ALDH3B2: variants seen among roughly 807,000 people sequenced by gnomAD.
ALDH3B2 encodes the protein aldehyde dehydrogenase family 3 member B2.
ALDH3B2 carries 45 observed loss-of-function variants against 36.7 expected under a neutral mutation model. That is an observed-to-expected ratio of 1.23 (90% CI 0.97 to 1.57). The LOEUF is 1.57. Among genes scored for constraint, ALDH3B2 ranks in the 40% most tolerant of loss-of-function variants. ALDH3B2 has a pLI of 0.00. For missense variants in ALDH3B2, 464 were observed against 513.3 expected (o/e 0.90, Z 0.93); for synonymous variants, 217 against 226.5 (o/e 0.96, Z 0.38).
At chr11:67,674,082 C>A (rs2279124) in intron 1 of ALDH3B2, among the ~76,000 whole-genome samples, 5 of 152,114 alleles carry the variant, frequency 3.3e-5, no homozygotes, top group East Asian at 1.9e-4. Flanking sequence ...GCCCCCGACC[C>A]AATCCTTGTC....
At chr11:67,668,375 C>T (rs1232862625) in intron 1 of ALDH3B2, among the ~76,000 whole-genome samples, 1 of 152,124 alleles carries the variant, frequency 6.6e-6, no homozygotes, top group Non-Finnish European at 1.5e-5. Flanking sequence ...CCCAAGGGAA[C>T]CCCAGTGGGG....
At chr11:67,675,028 C>T (rs976554733), upstream of ALDH3B2, among the ~76,000 whole-genome samples, 2 of 152,180 alleles carry the variant, frequency 1.3e-5, no homozygotes, top group African/African-American at 4.8e-5. Flanking sequence ...CATCTCCCTC[C>T]TCTCCTGTCC....
intron 1 of ALDH3B2, among the ~76,000 whole-genome samples, chr11:67,670,666 C>A (rs76053964): frequency 0.012 from 1,895 of 152,282 alleles, 50 homozygotes; most frequent in Middle Eastern, 0.048. Context: ...AGCCCCTGCC[C>A]GGCTCAGGTC....
At chr11:67,664,482 T>G in exon 8 of ALDH3B2, 1 of 1,614,134 alleles carries the variant, frequency 6.2e-7, no homozygotes, top group Non-Finnish European at 8.5e-7. Flanking sequence ...CTCTGCACGT[T>G]CACGATGGGC....
intron 7 of ALDH3B2, 84 bp downstream of exon 7, chr11:67,665,201 G>A (rs1855862341): frequency 5.3e-6 from 8 of 1,520,326 alleles, no homozygotes; most frequent in Non-Finnish European, 7.0e-6. Context: ...TCAGGTGCGA[G>A]TCCAGACTCG....
At chr11:67,671,082 T>C in intron 1 of ALDH3B2, 1 of 152,644 alleles carries the variant, frequency 6.6e-6, no homozygotes, top group Non-Finnish European at 1.5e-5. Context: ...GGCTCCCTGG[T>C]GCCTTTGGAG....
chr11:67,675,531 T>C (rs1264745316), upstream of ALDH3B2, among the ~76,000 whole-genome samples: 1 of 152,130 alleles, frequency 6.6e-6, no homozygotes, highest in East Asian at 1.9e-4. Flanking sequence ...TGCTGAGGGC[T>C]GTAGAGAGTC....
chr11:67,663,528 T>C, intron 9 of ALDH3B2, 129 bp from the exon 10 acceptor site: 1 of 1,372,410 alleles, frequency 7.3e-7, no homozygotes, highest in Non-Finnish European at 1.0e-6. Flanking sequence ...CACAGAGCCA[T>C]TTTACAGATA....
upstream of ALDH3B2, among the ~76,000 whole-genome samples, chr11:67,679,499 G>A (rs1856330800): frequency 6.6e-6 from 1 of 151,542 alleles, no homozygotes; most frequent in Non-Finnish European, 1.5e-5. Flanking sequence ...AAAAAACAAA[G>A]CCAGGCACAG....
At chr11:67,667,755 A>C in intron 1 of ALDH3B2, 120 bp from the exon 2 acceptor site, 1 of 214,748 alleles carries the variant, frequency 4.7e-6, no homozygotes, top group Non-Finnish European at 9.2e-6. Flanking sequence ...GCTCACAGAC[A>C]CCCCACCTCA....
chr11:67,678,106 G>GA (rs1311519901), upstream of ALDH3B2, among the ~76,000 whole-genome samples: 1 of 152,044 alleles, frequency 6.6e-6, no homozygotes, highest in Non-Finnish European at 1.5e-5. Flanking sequence ...CACAGAGTTA[G>GA]AAAAAACAAT....
chr11:67,666,368 C>A (rs1855911649), exon 5 of ALDH3B2: 1 of 1,605,828 alleles, frequency 6.2e-7, no homozygotes, highest in Non-Finnish European at 8.5e-7. Flanking sequence ...TGTGCCCTGG[C>A]TGATTTCTGA....
intron 7 of ALDH3B2, among the ~76,000 whole-genome samples, 172 bp from the exon 8 acceptor site, chr11:67,664,734 CCCCCAG>C (rs1415505182): frequency 6.6e-6 from 1 of 152,218 alleles, no homozygotes; most frequent in Non-Finnish European, 1.5e-5. Context: ...TCCCCACAGC[CCCCCAG>C]AAGGGACCCT....
exon 10 of ALDH3B2, chr11:67,662,405 A>G (rs926927261): frequency 1.3e-5 from 2 of 152,242 alleles, no homozygotes; most frequent in African/African-American, 2.4e-5. Flanking sequence ...GGAATACTAC[A>G]GTCTTGAGGA....
intron 1 of ALDH3B2, among the ~76,000 whole-genome samples, chr11:67,679,850 T>C (rs1001112444): frequency 2.0e-5 from 3 of 152,244 alleles, no homozygotes; most frequent in Non-Finnish European, 4.4e-5. Flanking sequence ...AAACTTATTT[T>C]GCACATAAAT....
chr11:67,678,645 A>G (rs1591151546), upstream of ALDH3B2, among the ~76,000 whole-genome samples: 1 of 150,764 alleles, frequency 6.6e-6, no homozygotes, highest in East Asian at 1.9e-4. Context: ...ACATATATAT[A>G]TATATACACT....
At chr11:67,665,895 G>A (rs1855894373) in intron 6 of ALDH3B2, among the ~76,000 whole-genome samples, 1 of 152,124 alleles carries the variant, frequency 6.6e-6, no homozygotes, top group Admixed American at 6.5e-5. Context: ...CCTTCTCCTG[G>A]CCGGTCTGGC....
intron 1 of ALDH3B2, among the ~76,000 whole-genome samples, chr11:67,680,989 T>C (rs2251281): frequency 0.045 from 6,909 of 152,274 alleles, 524 homozygotes; most frequent in African/African-American, 0.16. Flanking sequence ...CAAGGATGGG[T>C]ACACAAATGC....
chr11:67,665,487 G>T lies in ALDH3B2; in HGVS notation c.504C>A (p.Tyr168Ter). The change falls in exon 7 of 10, where the codon TAC becomes TAA. Residue 168 changes from tyrosine to a stop codon, truncating the protein, a stop_gained. Coordinates refer to ENST00000349015, the Ensembl canonical transcript of ALDH3B2. LOFTEE classifies it high-confidence loss of function. The stretch of plus-strand genomic sequence containing the variant: ...CCTGCATCTCGGGGCTGCACAGGAC[G>T]TAGTCAGGGGCCACGCAGGTCTGGC... 6.2e-7 allele frequency: 1 copy of T among 1,614,104 alleles called. No individual in the cohort carries two copies. The highest frequency in any genetic ancestry group is 1.1e-5 in the South Asian group (1 of 91,078).
Sources: allele counts gnomAD v4.1 joint callset (sites outside exome capture counted in the v4.1 genomes callset), GRCh38; gene constraint gnomAD v4.1.1; transcripts MANE v1.5; gene names NCBI Gene and HGNC (gene_info 2026-07-23, HGNC 2026-07-21).